ERCC1: variants seen among roughly 807,000 people sequenced by gnomAD.
ERCC1 encodes DNA excision repair protein ERCC-1.
ERCC1 carries 36 observed loss-of-function variants against 37.6 expected under a neutral mutation model. The observed-to-expected ratio is 0.96, with a 90% CI of 0.73 to 1.26. The LOEUF (loss-of-function observed/expected upper bound fraction) is 1.26, where lower values mean the gene tolerates loss of function less well. ERCC1 is among the 50% of genes most tolerant of loss of function. The pLI is 0.00. For synonymous variants in ERCC1, 156 were observed against 162.1 expected (o/e 0.96, Z 0.28); for missense variants, 349 against 376.5 (o/e 0.93, Z 0.60).
chr19:45,434,679 G>T (rs903216128), intron 1 of ERCC1, among the ~76,000 whole-genome samples: 1 of 152,016 alleles, frequency 6.6e-6, no homozygotes, highest in Non-Finnish European at 1.5e-5. Context: ...TTCGCCTCCC[G>T]GGTTCAAGCA....
chr19:45,448,667 G>A (rs1266785131), intron 1 of ERCC1, among the ~76,000 whole-genome samples: 1 of 151,830 alleles, frequency 6.6e-6, no homozygotes, highest in Non-Finnish European at 1.5e-5. Flanking sequence ...GGACAGCATA[G>A]TAAGACCCCA....
intron 1 of ERCC1, among the ~76,000 whole-genome samples, chr19:45,433,320 G>A (rs962851188): frequency 6.6e-6 from 1 of 152,048 alleles, no homozygotes; most frequent in Non-Finnish European, 1.5e-5. Flanking sequence ...GAGGTCAGGA[G>A]TTCAAGACCA....
chr19:45,439,297 G>A (rs1975058151), intron 1 of ERCC1, among the ~76,000 whole-genome samples: 2 of 152,122 alleles, frequency 1.3e-5, no homozygotes, highest in Non-Finnish European at 1.5e-5. Flanking sequence ...GGTACATTGC[G>A]GTTCATGCTG....
At chr19:45,414,762 C>A in intron 7 of ERCC1, 99 bp downstream of exon 7, 1 of 854,568 alleles carries the variant, frequency 1.2e-6, no homozygotes. Flanking sequence ...AGACGAGGCC[C>A]AGGGATGAAT....
intron 1 of ERCC1, among the ~76,000 whole-genome samples, chr19:45,433,527 AAAAC>A (rs149539438): frequency 0.078 from 11,873 of 151,894 alleles, 1,516 homozygotes; most frequent in African/African-American, 0.27. Context: ...GTCCATCTCA[AAAAC>A]AAACAAATTA....
In ERCC1 at chr19:45,408,335, C is replaced by G; in HGVS notation, c.*1340G>C. The G allele has an allele frequency of 6.2e-7, 1 of 1,608,706 alleles. No individual in the cohort carries two copies. The highest frequency in any genetic ancestry group is 1.1e-5 in the South Asian group (1 of 90,776). Reference sequence around the variant, plus strand: ...CCTAAGGATCCTTGAGGGTCCCCAGCAATCCCTGTCAGGGAGCCCTCTGCA... The same window carrying G: ...CCTAAGGATCCTTGAGGGTCCCCAGGAATCCCTGTCAGGGAGCCCTCTGCA... On this transcript the variant is annotated 3_prime_UTR_variant, in exon 10 of 10. Transcript: ENST00000300853.
Position 45,409,427 on chromosome 19 carries a change from A to C in ERCC1, c.*248T>G. The C allele has an allele frequency of 5.0e-6, 8 of 1,613,722 alleles. No homozygotes were observed. Among genetic ancestry groups the C allele is most frequent in the Non-Finnish European group, 5.9e-6 (7 of 1,180,012 alleles). The stretch of plus-strand genomic sequence containing the variant: ...AGAGGAGATGCCAGGGCCGCCACTG[A>C]ATTCAGAGTCTGGGGAGGAGGCTCC... On this transcript the variant is annotated 3_prime_UTR_variant, in exon 10 of 10. Coordinates refer to ENST00000300853, the MANE Select transcript of ERCC1 (RefSeq NM_001983.4).
chr19:45,448,167 C>T (rs1003117619), intron 1 of ERCC1, among the ~76,000 whole-genome samples: 3 of 152,184 alleles, frequency 2.0e-5, no homozygotes, highest in Non-Finnish European at 2.9e-5. Flanking sequence ...CCATCGCGCC[C>T]GGTCGTCTTT....
chr19:45,415,635 CAAA>C (rs913880423), intron 6 of ERCC1, among the ~76,000 whole-genome samples: 1 of 46,724 alleles, frequency 2.1e-5, no homozygotes. Flanking sequence ...GACTCCGTCT[CAAA>C]AAAAAAAAAA....
chr19:45,427,776 G>C (rs1379756183), upstream of ERCC1, among the ~76,000 whole-genome samples: 2 of 152,150 alleles, frequency 1.3e-5, no homozygotes, highest in Non-Finnish European at 2.9e-5. Context: ...TTCTGCAAGG[G>C]GGCGATGGTG....
In ERCC1 at chr19:45,409,010, G is replaced by T; in HGVS notation, c.*665C>A. 6.2e-7 allele frequency: 1 copy of T among 1,614,078 alleles called. No individual in the cohort carries two copies. Among genetic ancestry groups the T allele is most frequent in the African/African-American group, 1.3e-5 (1 of 75,048 alleles). ...GATGGAGCCAGGGACGGAGGCGATG[G>T]AGCCAGTGGAGCCGGAGATGAAGCC... On this transcript the variant is annotated 3_prime_UTR_variant, in exon 10 of 10. Coordinates refer to ENST00000300853, the MANE Select transcript of ERCC1 (RefSeq NM_001983.4).
intron 1 of ERCC1, among the ~76,000 whole-genome samples, chr19:45,436,349 G>A (rs916651871): frequency 6.6e-6 from 1 of 152,296 alleles, no homozygotes; most frequent in South Asian, 2.1e-4. Flanking sequence ...AAATTCGGCC[G>A]GGCGCCGTGG....
rs1974327717 is a variant in ERCC1, at chr19:45,420,245, G to T, written c.425+79C>A. On this transcript the variant is annotated intron_variant, in intron 4 of 9. Coordinates refer to ENST00000300853, the MANE Select transcript of ERCC1 (RefSeq NM_001983.4). The surrounding 1 kb of genome is among the most constrained non-coding windows in gnomAD (Gnocchi z 4.8). ...ATGCCCAGAGGCTTCTCATAGAACA[G>T]TCCAGAACACTGGGACATGACCCTC... The T allele has an allele frequency of 2.1e-6, 2 of 943,540 alleles. No individual in the cohort carries two copies. The highest frequency in any genetic ancestry group is 3.4e-6 in the Non-Finnish European group (2 of 593,918). The allele number at this position is 943,540 out of a possible 1,614,324, so 58.4% of individuals were successfully genotyped here. A position where few individuals can be genotyped will look rare whatever the true frequency, so the allele number is the denominator to read the frequency against.
intron 1 of ERCC1, among the ~76,000 whole-genome samples, chr19:45,439,172 C>T (rs1455214891): frequency 6.6e-6 from 1 of 151,916 alleles, no homozygotes; most frequent in Admixed American, 6.6e-5. Flanking sequence ...GGCGACAGAG[C>T]GAGACTCTGT....
Position 45,418,116 on chromosome 19 carries a change from C to T in ERCC1, c.525+982G>A, listed in dbSNP as rs2123493745. ...GGGTGGCTCACACCTGTAATCCCAA[C>T]ACTTTAGGATCACCTGAGATCAGAA... On this transcript the variant is annotated intron_variant, in intron 5 of 9. Transcript: ENST00000300853. 1.3e-5 allele frequency among the ~76,000 whole-genome samples: 2 copies of T among 152,050 alleles called. 1 individual carries two copies. Among genetic ancestry groups the T allele is most frequent in the Middle Eastern group, 6.8e-3 (2 of 294 alleles).
At position 45,414,043 on chromosome 19, in the gene ERCC1, G is replaced by A. The variant is rs771007496; in HGVS notation, c.703-9C>T. On this transcript the variant is annotated splice_polypyrimidine_tract_variant and intron_variant, in intron 7 of 9. Coordinates refer to ENST00000300853, the MANE Select transcript of ERCC1 (RefSeq NM_001983.4). The stretch of plus-strand genomic sequence containing the variant: ...GTCAGACATTCAGTCACCTGGAAAG[G>A]GTGGAGGCAGGAGTGTGTCGGAAGA... 6.2e-7 allele frequency: 1 copy of A among 1,611,016 alleles called. No individual in the cohort carries two copies. The highest frequency in any genetic ancestry group is 1.3e-5 in the African/African-American group (1 of 74,858).
At chr19:45,448,786 C>A (rs892006257) in intron 1 of ERCC1, among the ~76,000 whole-genome samples, 8 of 151,974 alleles carry the variant, frequency 5.3e-5, no homozygotes, top group African/African-American at 1.7e-4. Flanking sequence ...TAGAAAGACC[C>A]CCCACCCCGC....
rs568889783 is a variant in ERCC1 at position 45,407,592 on chromosome 19, A to G, written c.*2083T>C. On this transcript the variant is annotated 3_prime_UTR_variant, in exon 10 of 10. Coordinates refer to ENST00000300853, the MANE Select transcript of ERCC1 (RefSeq NM_001983.4). The stretch of plus-strand genomic sequence containing the variant: ...GTAATGGGGGCTGCATTCTTAGGAC[A>G]TTTGGACATTCTGCAGGCTTGGTGG... 82 of 294,122 alleles carry G rather than the reference A, an allele frequency of 2.8e-4. 1 individual carries two copies. In the South Asian group the frequency reaches 4.5e-3, roughly 16 times the overall value. The allele number at this position is 294,122 out of a possible 1,614,324, so 18.2% of individuals were successfully genotyped here.
intron 1 of ERCC1, among the ~76,000 whole-genome samples, chr19:45,443,946 A>C: frequency 1.7e-5 from 2 of 120,934 alleles, no homozygotes. Flanking sequence ...CTGCCCTCAC[A>C]CTCATCGCTT....
Sources: gnomAD v4.1 joint callset for allele counts (sites outside exome capture counted in the v4.1 genomes callset) on GRCh38, gnomAD v4.1.1 for gene constraint, Gnocchi (gnomAD v3.1) non-coding constraint, MANE v1.5 for transcripts, NCBI Gene and HGNC (gene_info 2026-07-23, HGNC 2026-07-21) for gene names.